TENM3: variants seen among roughly 807,000 people sequenced by gnomAD.
TENM3 encodes the protein teneurin transmembrane protein 3, also known as teneurin-3.
In TENM3, 63 loss-of-function variants were observed where a neutral mutation model predicts 255.1. The observed-to-expected ratio is 0.25, with a 90% CI of 0.20 to 0.30. The LOEUF (loss-of-function observed/expected upper bound fraction) is 0.30, where lower values mean the gene tolerates loss of function less well. Ranked by LOEUF, TENM3 falls within the 10% of genes least tolerant of loss-of-function variation. The pLI is 1.00. For missense variants in TENM3, 2,929 were observed against 3,461.1 expected, an observed-to-expected ratio of 0.85 and a Z score of 3.86; for synonymous variants, 1,306 against 1,322.3, an observed-to-expected ratio of 0.99 and a Z score of 0.27.
the TENM3 span, among the ~76,000 whole-genome samples, chr4:181,552,523 C>T: frequency 1.3e-5 from 2 of 152,194 alleles, no homozygotes; most frequent in African/African-American, 4.8e-5. Context: ...CCTCAAAGCA[C>T]TCACTATAAA....
At chr4:182,288,291 A>C (rs994629642) in intron 1 of TENM3, among the ~76,000 whole-genome samples, 2 of 151,422 alleles carry the variant, frequency 1.3e-5, no homozygotes, top group African/African-American at 4.9e-5. Context: ...ATTGGTCTCC[A>C]ACTCCTGGAT....
the TENM3 span, among the ~76,000 whole-genome samples, chr4:181,962,340 G>A: frequency 6.6e-6 from 1 of 152,180 alleles, no homozygotes; most frequent in Non-Finnish European, 1.5e-5. Context: ...CTTGTAAGAT[G>A]GGTAAGCAGA....
chr4:181,455,036 A>G, the TENM3 span, among the ~76,000 whole-genome samples: 1 of 152,126 alleles, frequency 6.6e-6, no homozygotes, highest in South Asian at 2.1e-4. Flanking sequence ...CGGAACAAGT[A>G]ACCTTATTGA....
the TENM3 span, among the ~76,000 whole-genome samples, chr4:182,002,071 T>A: frequency 6.6e-6 from 1 of 152,178 alleles, no homozygotes; most frequent in African/African-American, 2.4e-5. Context: ...TTCGACTTAT[T>A]GAGGAGAAAA....
intron 1 of TENM3, among the ~76,000 whole-genome samples, chr4:182,224,647 A>T (rs1756034065): frequency 6.6e-6 from 1 of 152,142 alleles, no homozygotes; most frequent in Non-Finnish European, 1.5e-5. Flanking sequence ...TGCACAGCCC[A>T]TAATAGGCCC....
At chr4:181,815,483 G>T in the TENM3 span, among the ~76,000 whole-genome samples, 1 of 107,192 alleles carries the variant, frequency 9.3e-6, no homozygotes, top group Non-Finnish European at 2.0e-5. Context: ...AAAAAAAGGT[G>T]TAGAGGAAAC....
chr4:181,964,625 G>T, the TENM3 span, among the ~76,000 whole-genome samples: 1 of 151,810 alleles, frequency 6.6e-6, no homozygotes, highest in East Asian at 1.9e-4. Context: ...ATCTCAAATT[G>T]GGAATAGGCT....
the TENM3 span, among the ~76,000 whole-genome samples, chr4:181,513,646 A>G: frequency 6.6e-6 from 1 of 152,250 alleles, no homozygotes; most frequent in South Asian, 2.1e-4. Context: ...CACGCAATAA[A>G]TAACCTCAAA....
intron 1 of TENM3, among the ~76,000 whole-genome samples, chr4:182,273,209 C>A (rs1219381123): frequency 6.6e-6 from 1 of 152,190 alleles, no homozygotes; most frequent in Non-Finnish European, 1.5e-5. Flanking sequence ...TCAGTCGATC[C>A]CCCGACAGCC....
intron 11 of TENM3, among the ~76,000 whole-genome samples, chr4:182,685,261 T>C (rs999030689): frequency 1.4e-4 from 21 of 152,014 alleles, no homozygotes; most frequent in African/African-American, 4.8e-4. Context: ...TTATTCATTC[T>C]CCCTCATCTT....
chr4:182,341,820 A>T (rs1053507539), intron 2 of TENM3, among the ~76,000 whole-genome samples: 2 of 152,208 alleles, frequency 1.3e-5, no homozygotes, highest in Non-Finnish European at 2.9e-5. Flanking sequence ...TGATAGAATA[A>T]AATAATAAAT....
chr4:182,732,194 T>G (rs1443876032), intron 16 of TENM3, among the ~76,000 whole-genome samples: 1 of 152,190 alleles, frequency 6.6e-6, no homozygotes, highest in Non-Finnish European at 1.5e-5. Flanking sequence ...CAATCACTAA[T>G]AATGTCTTTG....
chr4:182,789,457 C>A lies in TENM3; in HGVS notation c.5601+68C>A. The A allele has an allele frequency of 4.2e-6, 6 of 1,429,966 alleles. No homozygotes were observed. The Admixed American group carries it at 6.8e-5, about 16-fold the overall frequency. 88.6% of individuals were successfully genotyped at this position (1,429,966 alleles called of 1,614,324 possible). A position where few individuals can be genotyped will look rare whatever the true frequency, so the allele number is the denominator to read the frequency against. On this transcript the variant is annotated intron_variant, in intron 25 of 27. Transcript: ENST00000511685. This position sits in a 1 kb window ranked among gnomAD's most constrained non-coding sequence, Gnocchi z 4.4. ...CACATTTTTCAGCAATCATCCAGAG[C>A]ACTAAGGGGAAAAAAAACAGTGGCA...
At chr4:182,195,601 C>G (rs1316919610) in intron 1 of TENM3, among the ~76,000 whole-genome samples, 1 of 152,054 alleles carries the variant, frequency 6.6e-6, no homozygotes, top group Admixed American at 6.5e-5. Flanking sequence ...GGTCACACCA[C>G]TGCACTCCAG....
the TENM3 span, among the ~76,000 whole-genome samples, chr4:181,879,832 G>T: frequency 7.9e-5 from 12 of 152,114 alleles, no homozygotes; most frequent in Non-Finnish European, 1.8e-4. Flanking sequence ...AGTCCAAAGT[G>T]ATCTGTCAAA....
intron 19 of TENM3, among the ~76,000 whole-genome samples, chr4:182,745,861 G>T (rs958695482): frequency 6.6e-6 from 1 of 151,416 alleles, no homozygotes; most frequent in Non-Finnish European, 1.5e-5. Context: ...TTTATTAACA[G>T]TAGAAATTCA....
the TENM3 span, among the ~76,000 whole-genome samples, chr4:181,655,723 G>A: frequency 0.01 from 1,537 of 152,254 alleles, 15 homozygotes; most frequent in Middle Eastern, 0.041. Flanking sequence ...GGTAAAGGGA[G>A]AAGAACAAAA....
At position 182,659,785 on chromosome 4, in the gene TENM3, A is replaced by G. The variant is rs373123376; in HGVS notation, c.1111+5892A>G. ...ATCAGTTCCTTGCCTAAGCCCCTTC[A>G]GTGACCTAGATTCTAGTCAGAAGCC... On this transcript the variant is annotated intron_variant, in intron 6 of 27. Coordinates refer to ENST00000511685, the MANE Select transcript of TENM3 (RefSeq NM_001080477.4). Among the ~76,000 whole-genome samples, 3 of 152,302 alleles carry G rather than the reference A, an allele frequency of 2.0e-5. No individual in the cohort carries two copies. In the East Asian group the frequency reaches 5.8e-4, roughly 29 times the overall value.
At chr4:182,368,383 A>C (rs1766570791) in intron 3 of TENM3, among the ~76,000 whole-genome samples, 1 of 152,244 alleles carries the variant, frequency 6.6e-6, no homozygotes, top group African/African-American at 2.4e-5. Flanking sequence ...AAGACACAGC[A>C]GATGTCCTGA....
Sources: gnomAD v4.1 joint callset for allele counts (sites outside exome capture counted in the v4.1 genomes callset) on GRCh38, gnomAD v4.1.1 for gene constraint, Gnocchi (gnomAD v3.1) non-coding constraint, MANE v1.5 for transcripts, NCBI Gene and HGNC (gene_info 2026-07-23, HGNC 2026-07-21) for gene names.